SLC44A3: variants seen among roughly 807,000 people sequenced by gnomAD.
The protein encoded by SLC44A3 is solute carrier family 44 member 3, also known as choline transporter-like protein 3.
In SLC44A3, 74 loss-of-function variants were observed where a neutral mutation model predicts 75.4. The ratio of observed to expected loss-of-function variants is 0.98; its 90% CI spans 0.81 to 1.19. The LOEUF (loss-of-function observed/expected upper bound fraction) is 1.19, where lower values mean the gene tolerates loss of function less well. Among genes scored for constraint, SLC44A3 ranks in the 50% most tolerant of loss-of-function variants. The probability of loss-of-function intolerance (pLI) is 0.00; values close to 1 mark genes in which losing one functional copy is unlikely to be tolerated. For missense variants in SLC44A3, 700 were observed against 778.6 expected (o/e 0.90, Z 1.20); for synonymous variants, 310 against 296.9 (o/e 1.04, Z -0.45).
At chr1:94,880,255 G>C (rs554576646) in intron 12 of SLC44A3, among the ~76,000 whole-genome samples, 11 of 152,234 alleles carry the variant, frequency 7.2e-5, no homozygotes, top group Admixed American at 2.0e-4. Context: ...CAATGGCCAA[G>C]AGGTGGAAGC....
intron 12 of SLC44A3, among the ~76,000 whole-genome samples, chr1:94,890,121 AT>A (rs1218161118): frequency 6.6e-6 from 1 of 152,170 alleles, no homozygotes; most frequent in African/African-American, 2.4e-5. Context: ...AAGTGTTGGG[AT>A]TACAGGCATG....
At chr1:94,832,784 G>A (rs956508182) in intron 5 of SLC44A3, among the ~76,000 whole-genome samples, 1 of 152,142 alleles carries the variant, frequency 6.6e-6, no homozygotes, top group Non-Finnish European at 1.5e-5. Flanking sequence ...GACCAGCCTG[G>A]ACAACATAAC....
At chr1:94,862,289 C>T (rs1291549420) in intron 10 of SLC44A3, among the ~76,000 whole-genome samples, 32 of 152,192 alleles carry the variant, frequency 2.1e-4, no homozygotes, top group Non-Finnish European at 3.8e-4. Flanking sequence ...CACACCTAGT[C>T]CAGGAGCCTC....
intron 3 of SLC44A3, among the ~76,000 whole-genome samples, chr1:94,826,847 G>A (rs1661420293): frequency 6.6e-6 from 1 of 152,120 alleles, no homozygotes; most frequent in Non-Finnish European, 1.5e-5. Flanking sequence ...AGCCTACGGG[G>A]TCTTCCTCTG....
At chr1:94,851,107 C>A (rs1262765361) in intron 9 of SLC44A3, among the ~76,000 whole-genome samples, 1 of 152,012 alleles carries the variant, frequency 6.6e-6, no homozygotes, top group African/African-American at 2.4e-5. Flanking sequence ...CCCTCCCCTG[C>A]CCAACTCTCA....
chr1:94,836,101 C>T (rs763711356), intron 5 of SLC44A3, among the ~76,000 whole-genome samples: 5 of 152,162 alleles, frequency 3.3e-5, no homozygotes, highest in Non-Finnish European at 7.4e-5. Flanking sequence ...CATTTCTTTT[C>T]TTCAGGGCAA....
At chr1:94,861,545 CAAT>C (rs1345913226) in intron 10 of SLC44A3, among the ~76,000 whole-genome samples, 1 of 152,174 alleles carries the variant, frequency 6.6e-6, no homozygotes, top group African/African-American at 2.4e-5. Flanking sequence ...ATATAACACA[CAAT>C]GATTTATTTT....
rs1660488574 is a variant in SLC44A3 at position 94,820,964 on chromosome 1, G to T, written c.43G>T (p.Ala15Ser). 1 of 1,551,190 alleles carries T rather than the reference G, an allele frequency of 6.4e-7. No individual in the cohort carries two copies. ...GAEYLVSAEG[A>S]PRQREWRPQI... ...TTTCTGGAAGGTTTCTGCAGAAGGA[G>T]CCCCTAGGCAAAGGGAGTGGCGACC... Residue 15 changes from alanine (A) to serine (S), a missense_variant, in exon 2 of 15, where the codon GCC (alanine) becomes TCC (serine). Transcript: ENST00000271227.
chr1:94,894,148 T>G (rs941140860), intron 14 of SLC44A3, among the ~76,000 whole-genome samples: 4 of 152,114 alleles, frequency 2.6e-5, no homozygotes, highest in African/African-American at 4.8e-5. Flanking sequence ...TTAAAATAGT[T>G]TTTTCAACAG....
At chr1:94,871,717 T>C (rs1667780503) in intron 12 of SLC44A3, among the ~76,000 whole-genome samples, 2 of 152,196 alleles carry the variant, frequency 1.3e-5, no homozygotes, top group Non-Finnish European at 2.9e-5. Flanking sequence ...TTCTAGAAAA[T>C]CCTTTTTTCA....
At chr1:94,822,058 A>G (rs993219435) in intron 2 of SLC44A3, among the ~76,000 whole-genome samples, 9 of 152,168 alleles carry the variant, frequency 5.9e-5, no homozygotes, top group African/African-American at 2.2e-4. Context: ...AACTTCGCAG[A>G]TGGTTGGTGT....
chr1:94,884,363 G>A (rs1669332278), intron 12 of SLC44A3, among the ~76,000 whole-genome samples: 1 of 152,214 alleles, frequency 6.6e-6, no homozygotes, highest in African/African-American at 2.4e-5. Flanking sequence ...TAAAAACAGG[G>A]CTCAAGATGA....
At chr1:94,856,494 T>C (rs533402387) in intron 9 of SLC44A3, among the ~76,000 whole-genome samples, 1 of 152,310 alleles carries the variant, frequency 6.6e-6, no homozygotes, top group African/African-American at 2.4e-5. Flanking sequence ...ATAGATCCTT[T>C]TGAGATAACA....
intron 8 of SLC44A3, 58 bp downstream of exon 8, chr1:94,842,182 A>G: frequency 6.6e-7 from 1 of 1,508,832 alleles, no homozygotes; most frequent in Non-Finnish European, 8.8e-7. Context: ...TGAAATCCAA[A>G]TCATTGAATT....
At chr1:94,841,688 AT>A (rs1663667333) in intron 7 of SLC44A3, among the ~76,000 whole-genome samples, 1 of 152,190 alleles carries the variant, frequency 6.6e-6, no homozygotes, top group Non-Finnish European at 1.5e-5. Context: ...CATCCTGTCC[AT>A]GGGGTTTTCC....
intron 7 of SLC44A3, 96 bp downstream of exon 7, chr1:94,840,133 G>A: frequency 4.6e-6 from 5 of 1,081,972 alleles, no homozygotes; most frequent in South Asian, 3.9e-5. Flanking sequence ...TAAGCTACAT[G>A]GAGTCTTAAA....
chr1:94,827,696 G>A, intron 4 of SLC44A3, 53 bp downstream of exon 4: 1 of 1,585,432 alleles, frequency 6.3e-7, no homozygotes, highest in Non-Finnish European at 8.6e-7. Flanking sequence ...TAAGCTGTGG[G>A]GACCTAGATG....
At chr1:94,873,237 G>C (rs1404354967) in intron 12 of SLC44A3, among the ~76,000 whole-genome samples, 1 of 152,168 alleles carries the variant, frequency 6.6e-6, no homozygotes, top group East Asian at 1.9e-4. Flanking sequence ...GCATCCCCTT[G>C]AGGAGGGAAC....
In SLC44A3 at chr1:94,895,024, A is replaced by T. The variant is rs1424921168; in HGVS notation, c.*102A>T. 20 of 799,476 alleles carry T rather than the reference A, an allele frequency of 2.5e-5. No homozygotes were observed. Among genetic ancestry groups the T allele is most frequent in the East Asian group, 8.1e-5 (3 of 36,852 alleles). The allele number at this position is 799,476 out of a possible 1,614,324, so 49.5% of individuals were successfully genotyped here. A position where few individuals can be genotyped will look rare whatever the true frequency, so the allele number is the denominator to read the frequency against. On this transcript the variant is annotated 3_prime_UTR_variant, in exon 15 of 15. Coordinates refer to ENST00000271227, the MANE Select transcript of SLC44A3 (RefSeq NM_001114106.3). ...GAGAAAAGTTAGTGAATTTTTTTTT[A>T]AAAGACCTAATAAACCCTATTCTTC...
Sources: allele counts gnomAD v4.1 joint callset (sites outside exome capture counted in the v4.1 genomes callset), GRCh38; gene constraint gnomAD v4.1.1; transcripts MANE v1.5; gene names NCBI Gene and HGNC (gene_info 2026-07-23, HGNC 2026-07-21).